Variants in EPHA6 observed in about 807,000 individuals in gnomAD.
EPHA6 encodes ephrin type-A receptor 6.
In EPHA6, 50 loss-of-function variants were observed where a neutral mutation model predicts 112.0. The ratio of observed to expected loss-of-function variants is 0.45; its 90% confidence interval spans 0.36 to 0.56. The LOEUF (loss-of-function observed/expected upper bound fraction) is 0.56, where lower values mean the gene tolerates loss of function less well. EPHA6 is among the 20% of genes least tolerant of loss of function. The pLI is 0.00. For missense variants in EPHA6, 1,280 were observed against 1,417.4 expected (o/e 0.90, Z 1.56); for synonymous variants, 529 against 490.7 (o/e 1.08, Z -1.03).
chr3:96,880,948 C>T (rs565955699), intron 2 of EPHA6, among the ~76,000 whole-genome samples: 44 of 152,144 alleles, frequency 2.9e-4, no homozygotes, highest in Admixed American at 5.2e-4. Context: ...GGGCTTTGTG[C>T]ACATTTTGGT....
At chr3:97,648,334 C>T in intron 14 of EPHA6, 1 of 1,572,192 alleles carries the variant, frequency 6.4e-7, no homozygotes, top group Non-Finnish European at 8.7e-7. Flanking sequence ...TGCATAAATT[C>T]TGAGAAAAGC....
chr3:96,864,345 A>G (rs901803006), intron 1 of EPHA6, among the ~76,000 whole-genome samples: 2 of 152,094 alleles, frequency 1.3e-5, no homozygotes, highest in African/African-American at 4.8e-5. Flanking sequence ...AGGGAATTCC[A>G]TACAGTGGAA....
At chr3:97,688,307 G>A (rs2032400774) in intron 14 of EPHA6, among the ~76,000 whole-genome samples, 1 of 151,982 alleles carries the variant, frequency 6.6e-6, no homozygotes, top group Non-Finnish European at 1.5e-5. Context: ...CTAGATCAAA[G>A]AATAGTATGT....
chr3:97,235,309 C>G (rs1057379258), intron 4 of EPHA6, among the ~76,000 whole-genome samples: 4 of 152,082 alleles, frequency 2.6e-5, no homozygotes, highest in Non-Finnish European at 5.9e-5. Context: ...TCAAGCTCAA[C>G]CTGAGTTAGC....
At chr3:97,109,781 G>A (rs2047669609) in intron 3 of EPHA6, among the ~76,000 whole-genome samples, 1 of 152,102 alleles carries the variant, frequency 6.6e-6, no homozygotes, top group African/African-American at 2.4e-5. Flanking sequence ...ATGGACAGAG[G>A]CTCCTGACCT....
intron 3 of EPHA6, among the ~76,000 whole-genome samples, chr3:97,073,868 T>TCA (rs1279863408): frequency 6.6e-6 from 1 of 152,098 alleles, no homozygotes; most frequent in Non-Finnish European, 1.5e-5. Flanking sequence ...TATGCTAGCT[T>TCA]CAACAGGGAC....
chr3:97,127,315 G>A (rs2048209956), intron 3 of EPHA6, among the ~76,000 whole-genome samples: 1 of 152,104 alleles, frequency 6.6e-6, no homozygotes, highest in African/African-American at 2.4e-5. Context: ...CTTTCCTCCA[G>A]GTATAGGGTG....
chr3:97,727,494 T>G lies in EPHA6; in HGVS notation c.2934+7084T>G, dbSNP rs2034826454. On this transcript the variant is annotated intron_variant, in intron 15 of 17. Coordinates refer to ENST00000389672, the MANE Select transcript of EPHA6 (RefSeq NM_001080448.3). ...GAATAGTGGATATGTAGAATCCACTTACCTGAAATGCAGCATGATTTTATG... is the reference window on the plus strand; with the variant it reads ...GAATAGTGGATATGTAGAATCCACTGACCTGAAATGCAGCATGATTTTATG... Among the ~76,000 whole-genome samples the G allele has an allele frequency of 2.0e-5, 3 of 152,162 alleles. No individual in the cohort carries two copies. The South Asian group carries it at 6.2e-4, about 32-fold the overall frequency.
intron 2 of EPHA6, among the ~76,000 whole-genome samples, chr3:96,947,153 T>C (rs1353104175): frequency 6.6e-6 from 1 of 152,184 alleles, no homozygotes; most frequent in Non-Finnish European, 1.5e-5. Flanking sequence ...TGATGGTAGT[T>C]TCTTTTGCTG....
intron 5 of EPHA6, among the ~76,000 whole-genome samples, chr3:97,372,706 T>A (rs2085128560): frequency 6.6e-6 from 1 of 152,094 alleles, no homozygotes; most frequent in South Asian, 2.1e-4. Context: ...CATAATATAA[T>A]CCATTTTAAG....
At chr3:97,116,187 T>C (rs1465680343) in intron 3 of EPHA6, among the ~76,000 whole-genome samples, 2 of 151,738 alleles carry the variant, frequency 1.3e-5, no homozygotes, top group African/African-American at 2.4e-5. Flanking sequence ...AATTAGAGTA[T>C]CGTGATCTTT....
chr3:97,500,774 C>T (rs545338146), intron 10 of EPHA6, among the ~76,000 whole-genome samples: 60 of 152,232 alleles, frequency 3.9e-4, no homozygotes, highest in Non-Finnish European at 6.8e-4. Flanking sequence ...TTTAAACAAG[C>T]TTGAAACCCC....
chr3:97,173,075 C>G (rs138660974), intron 3 of EPHA6, among the ~76,000 whole-genome samples: 3 of 151,946 alleles, frequency 2.0e-5, no homozygotes, highest in African/African-American at 7.2e-5. Flanking sequence ...ATGCCATATA[C>G]TGTGTAAATA....
rs538172283 is a variant in EPHA6 at position 97,307,399 on chromosome 3, A to G, written c.1606+63112A>G. Among the ~76,000 whole-genome samples, 3 of 151,924 alleles carry G rather than the reference A, an allele frequency of 2.0e-5. No homozygotes were observed. In the South Asian group the frequency reaches 6.2e-4, roughly 31 times the overall value. On this transcript the variant is annotated intron_variant, in intron 5 of 17. Transcript: ENST00000389672. ...ACCTGAACGTGCCTCAGAGAGTCAT[A>G]GTATTAACTATGAGGAAGATGATGA...
intron 10 of EPHA6, among the ~76,000 whole-genome samples, chr3:97,509,931 T>C (rs1221477761): frequency 6.6e-6 from 1 of 152,214 alleles, no homozygotes; most frequent in Non-Finnish European, 1.5e-5. Flanking sequence ...TTTATTTCAT[T>C]AAATTGATCT....
intron 16 of EPHA6, among the ~76,000 whole-genome samples, chr3:97,741,375 T>A (rs930371165): frequency 1.3e-5 from 2 of 151,618 alleles, no homozygotes; most frequent in African/African-American, 4.8e-5. Context: ...AAAAGAAAAA[T>A]AGAAAATTCC....
At chr3:96,829,508 A>AAT (rs1249762240) in intron 1 of EPHA6, among the ~76,000 whole-genome samples, 1 of 151,964 alleles carries the variant, frequency 6.6e-6, no homozygotes, top group East Asian at 1.9e-4. Flanking sequence ...GATTAGGAGG[A>AAT]ATATGTGCCC....
intron 5 of EPHA6, among the ~76,000 whole-genome samples, chr3:97,305,472 G>A (rs965789193): frequency 6.6e-6 from 1 of 151,888 alleles, no homozygotes; most frequent in Non-Finnish European, 1.5e-5. Flanking sequence ...CAACCCAAAT[G>A]CCCATCAATG....
At chr3:97,176,156 A>G (rs1278069218) in intron 3 of EPHA6, among the ~76,000 whole-genome samples, 1 of 151,780 alleles carries the variant, frequency 6.6e-6, no homozygotes, top group Admixed American at 6.6e-5. Context: ...AATTGAAATG[A>G]TTATGATTTT....
Sources: allele counts gnomAD v4.1 joint callset (sites outside exome capture counted in the v4.1 genomes callset), GRCh38; gene constraint gnomAD v4.1.1; transcripts MANE v1.5; gene names NCBI Gene and HGNC (gene_info 2026-07-23, HGNC 2026-07-21).